The following PADI2 variants were observed in gnomAD, a reference collection of about 807,000 sequenced individuals.
The protein encoded by PADI2 is protein-arginine deiminase type-2.
Under a neutral mutation model 81.1 loss-of-function variants are expected in PADI2, and 70 were observed. That is an observed-to-expected ratio of 0.86 (90% CI 0.71 to 1.05). The LOEUF (loss-of-function observed/expected upper bound fraction) is 1.05. PADI2 is among the 50% of genes least tolerant of loss of function. The pLI is 0.00. For synonymous variants in PADI2, 338 were observed against 358.0 expected (o/e 0.94, Z 0.63); for missense variants, 853 against 889.9 (o/e 0.96, Z 0.53).
At chr1:17,092,719 T>C (rs2101593577) in intron 5 of PADI2, among the ~76,000 whole-genome samples, 186 bp from the exon 6 acceptor site, 1 of 151,346 alleles carries the variant, frequency 6.6e-6, no homozygotes, top group South Asian at 2.1e-4. Context: ...GAGGTTGAGG[T>C]GGGTGGATCA....
intron 3 of PADI2, among the ~76,000 whole-genome samples, chr1:17,101,700 A>T (rs2746503): frequency 3.0e-3 from 458 of 152,184 alleles, no homozygotes; most frequent in East Asian, 0.016. Flanking sequence ...AGGGCTAGAG[A>T]GGAAGGGGCT....
chr1:17,088,006 G>A (rs980008525), intron 6 of PADI2, among the ~76,000 whole-genome samples: 9 of 152,340 alleles, frequency 5.9e-5, no homozygotes, highest in Middle Eastern at 3.4e-3. Context: ...AAGGACCTTC[G>A]GGGAGACAGA....
chr1:17,079,360 A>C lies in PADI2; in HGVS notation c.1214T>G (p.Leu405Arg), dbSNP rs1028699221. Residue 405 changes from leucine to arginine, a missense_variant, in exon 11 of 16, where the codon CTT becomes CGT. By Grantham distance (102) the Leu-to-Arg change is moderately radical (BLOSUM62 -2). Transcript: ENST00000375486. ...GACCTCCAGGTTTCCAAATGAGTCA[A>C]GGCTGGTGACAGACTCAAAGAGGGG... is the stretch of plus-strand genomic sequence containing the variant. ...REPLFESVTS[L>R]DSFGNLEVSP... 1 of 1,613,938 alleles carries C rather than the reference A, an allele frequency of 6.2e-7. No individual in the cohort carries two copies. Among genetic ancestry groups the C allele is most frequent in the Non-Finnish European group, 8.5e-7 (1 of 1,179,934 alleles).
chr1:17,088,157 G>A (rs1470099572), intron 6 of PADI2, among the ~76,000 whole-genome samples: 1 of 152,182 alleles, frequency 6.6e-6, no homozygotes, highest in Admixed American at 6.5e-5. Flanking sequence ...GAAGAGGCAC[G>A]GTGGGAAGCA....
At chr1:17,106,108 G>A (rs1405082151) in intron 1 of PADI2, among the ~76,000 whole-genome samples, 2 of 152,128 alleles carry the variant, frequency 1.3e-5, no homozygotes, top group African/African-American at 2.4e-5. Context: ...GGGCAGAGGT[G>A]GGGTGTCTCT....
intron 11 of PADI2, 101 bp downstream of exon 11, chr1:17,079,163 C>T: frequency 2.1e-6 from 2 of 973,650 alleles, no homozygotes; most frequent in Non-Finnish European, 1.5e-6. Flanking sequence ...AATAATTCCC[C>T]CAGCCACTTG....
chr1:17,106,475 C>T (rs1244568784), intron 1 of PADI2, among the ~76,000 whole-genome samples: 1 of 149,468 alleles, frequency 6.7e-6, no homozygotes, highest in Admixed American at 6.7e-5. Context: ...GATGGAGTCT[C>T]ACTGTCTCCC....
Position 17,074,868 on chromosome 1 carries a change from T to A in PADI2, c.1537A>T (p.Ile513Phe). Residue 513 changes from isoleucine to phenylalanine, a missense_variant, in exon 13 of 16, where the codon ATC becomes TTC. Transcript: ENST00000375486. ...EKQKDGHGEA[I>F]MFKGLGGMSS... ...TGTGGCCACTCACCTTTGAACATGA[T>A]GGCCTCTCCATGGCCGTCCTTCTGC... 1 of 1,610,266 alleles carries A rather than the reference T, an allele frequency of 6.2e-7. No homozygotes were observed. The highest frequency in any genetic ancestry group is 8.5e-7 in the Non-Finnish European group (1 of 1,177,348).
At chr1:17,075,904 C>T in intron 11 of PADI2, 81 bp from the exon 12 acceptor site, 1 of 1,339,814 alleles carries the variant, frequency 7.5e-7, no homozygotes, top group Non-Finnish European at 1.1e-6. Flanking sequence ...TCTCTGGGAC[C>T]CACCTCGGAC....
At chr1:17,075,948 G>A (rs2078299298) in intron 11 of PADI2, 125 bp from the exon 12 acceptor site, 3 of 877,700 alleles carry the variant, frequency 3.4e-6, no homozygotes, top group Admixed American at 2.4e-5. Flanking sequence ...TCCCAGGAAG[G>A]AGACTAGGTT....
chr1:17,097,792 T>A (rs1192524274), intron 3 of PADI2, among the ~76,000 whole-genome samples: 1 of 152,140 alleles, frequency 6.6e-6, no homozygotes, highest in East Asian at 1.9e-4. Context: ...GGGGCAGGAA[T>A]AATACTGGTT....
intron 1 of PADI2, among the ~76,000 whole-genome samples, chr1:17,112,183 T>G (rs1021593525): frequency 6.6e-6 from 1 of 152,072 alleles, no homozygotes; most frequent in Non-Finnish European, 1.5e-5. Flanking sequence ...TGGGACCAGA[T>G]AGTGGCTGTG....
intron 1 of PADI2, among the ~76,000 whole-genome samples, chr1:17,114,335 A>G (rs962179716): frequency 6.6e-6 from 1 of 152,054 alleles, no homozygotes; most frequent in Admixed American, 6.5e-5. Flanking sequence ...GACTCCAGGG[A>G]GGATCACAAA....
Position 17,093,704 on chromosome 1 carries a change from G to A in PADI2, c.412-20C>T. 7.2e-7 allele frequency: 1 copy of A among 1,397,746 alleles called. No individual in the cohort carries two copies. Among genetic ancestry groups the A allele is most frequent in the Non-Finnish European group, 1.0e-6 (1 of 982,992 alleles). 86.6% of individuals were successfully genotyped at this position (1,397,746 alleles called of 1,614,324 possible). A position where few individuals can be genotyped will look rare whatever the true frequency, so the allele number is the denominator to read the frequency against. The stretch of plus-strand genomic sequence containing the variant: ...GGATGCCTACAGTGGCAGGAAGAAA[G>A]GTCAGTGCCCTCTTCTCTATGCTTG... On this transcript the variant is annotated intron_variant, in intron 4 of 15. Transcript: ENST00000375486.
chr1:17,092,263 G>T, intron 6 of PADI2, 145 bp downstream of exon 6: 2 of 580,732 alleles, frequency 3.4e-6, no homozygotes, highest in Non-Finnish European at 5.9e-6. Context: ...CAACTTCACG[G>T]GACAACAGCA....
chr1:17,103,044 A>G lies in PADI2; in HGVS notation c.292T>C (p.Tyr98His), dbSNP rs868166362. The G allele has an allele frequency of 5.6e-6, 9 of 1,612,916 alleles. No individual in the cohort carries two copies. The highest frequency in any genetic ancestry group is 3.3e-4 in the Middle Eastern group (2 of 6,060). ...ASSDKVTVNY[Y>H]DEEGSIPIDQ... ...ATGGGAATGCTCCCTTCCTCGTCAT[A>G]GTAGTTGACGGTGACCTTGGTGGGG... The change falls in exon 3 of 16, where the codon TAT becomes CAT. Residue 98 changes from tyrosine (Y) to histidine (H), a missense_variant. Coordinates refer to ENST00000375486, the MANE Select transcript of PADI2 (RefSeq NM_007365.3).
chr1:17,110,859 T>C (rs1931553747), intron 1 of PADI2, among the ~76,000 whole-genome samples: 1 of 143,156 alleles, frequency 7.0e-6, no homozygotes, highest in African/African-American at 3.0e-5. Context: ...GATCTTCTTG[T>C]TTGTTTGTTT....
Position 17,075,828 on chromosome 1 carries a change from A to G in PADI2, c.1311-5T>C. 3 of 1,612,988 alleles carry G rather than the reference A, an allele frequency of 1.9e-6. No homozygotes were observed. Among genetic ancestry groups the G allele is most frequent in the Non-Finnish European group, 2.5e-6 (3 of 1,179,594 alleles). Reference sequence around the variant, plus strand: ...GTCATCCTCCGACCACCAGACCTGGAGAAGGGAGGAAGAGGAGTTTCAGCA... The same window carrying G: ...GTCATCCTCCGACCACCAGACCTGGGGAAGGGAGGAAGAGGAGTTTCAGCA... On this transcript the variant is annotated splice_polypyrimidine_tract_variant and splice_region_variant and intron_variant, in intron 11 of 15. Transcript: ENST00000375486.
At chr1:17,114,359 C>T (rs2143810) in intron 1 of PADI2, among the ~76,000 whole-genome samples, 6 of 151,940 alleles carry the variant, frequency 3.9e-5, no homozygotes, top group African/African-American at 1.2e-4. Context: ...GGAGGAGGCA[C>T]GCCTGAAACA....
Sources: gnomAD v4.1 joint callset for allele counts (sites outside exome capture counted in the v4.1 genomes callset) on GRCh38, gnomAD v4.1.1 for gene constraint, MANE v1.5 for transcripts, NCBI Gene and HGNC (gene_info 2026-07-23, HGNC 2026-07-21) for gene names.